RGS7: variants seen among roughly 807,000 people sequenced by gnomAD.
RGS7 encodes regulator of G protein signaling 7.
A neutral mutation model predicts 81.1 loss-of-function variants in RGS7; 27 were observed. The observed-to-expected ratio is 0.33, with a 90% CI of 0.25 to 0.46. The LOEUF is 0.46. Among genes scored for constraint, RGS7 ranks in the 20% least tolerant of loss-of-function variants. The probability of loss-of-function intolerance (pLI) is 1.00; values close to 1 mark genes in which losing one functional copy is unlikely to be tolerated. For synonymous variants in RGS7, 208 were observed against 207.7 expected, an observed-to-expected ratio of 1.00 and a Z score of -0.01; for missense variants, 396 against 607.4, an observed-to-expected ratio of 0.65 and a Z score of 3.66.
At chr1:241,326,128 G>GAA (rs2081478298) in intron 2 of RGS7, among the ~76,000 whole-genome samples, 1 of 152,144 alleles carries the variant, frequency 6.6e-6, no homozygotes, top group Admixed American at 6.5e-5. Flanking sequence ...CGCCTAGGAT[G>GAA]TGTACTCAAA....
intron 3 of RGS7, among the ~76,000 whole-genome samples, chr1:241,003,059 T>A (rs2058492920): frequency 1.3e-5 from 2 of 152,206 alleles, no homozygotes; most frequent in Non-Finnish European, 2.9e-5. Context: ...TGCACTATTT[T>A]AAAAATTTAC....
intron 2 of RGS7, among the ~76,000 whole-genome samples, chr1:241,152,302 A>G (rs2068813047): frequency 6.6e-6 from 1 of 152,234 alleles, no homozygotes; most frequent in African/African-American, 2.4e-5. Context: ...GTAAAACACC[A>G]TATTATAATA....
chr1:240,838,770 ATT>A (rs200280485), intron 9 of RGS7, among the ~76,000 whole-genome samples: 15 of 142,866 alleles, frequency 1.0e-4, no homozygotes, highest in East Asian at 2.0e-4. Context: ...ATTTTTTATT[ATT>A]TTTTTTTTTT....
intron 2 of RGS7, among the ~76,000 whole-genome samples, chr1:241,291,009 T>C (rs2079059974): frequency 6.6e-6 from 1 of 152,230 alleles, no homozygotes; most frequent in African/African-American, 2.4e-5. Flanking sequence ...ACATTTTGTT[T>C]CCACGTGCCC....
intron 10 of RGS7, among the ~76,000 whole-genome samples, chr1:240,819,262 TA>T (rs895433709): frequency 6.6e-6 from 1 of 152,162 alleles, no homozygotes; most frequent in African/African-American, 2.4e-5. Context: ...ACAGTGCTTA[TA>T]AAAAATAGCT....
At chr1:241,315,841 A>G (rs2080838351) in intron 2 of RGS7, among the ~76,000 whole-genome samples, 1 of 152,172 alleles carries the variant, frequency 6.6e-6, no homozygotes, top group Admixed American at 6.5e-5. Flanking sequence ...CCCTTTTCAT[A>G]TACAGCCTTC....
chr1:241,081,440 T>G (rs979908089), intron 3 of RGS7, among the ~76,000 whole-genome samples: 3 of 152,236 alleles, frequency 2.0e-5, no homozygotes, highest in African/African-American at 7.2e-5. Context: ...TTTATGCCAC[T>G]CCTTAACCTG....
At chr1:240,875,837 T>C (rs1404417788) in intron 6 of RGS7, among the ~76,000 whole-genome samples, 2 of 152,350 alleles carry the variant, frequency 1.3e-5, no homozygotes, top group East Asian at 3.9e-4. Flanking sequence ...AGGTCTTCTT[T>C]TGAAAAATGT....
At chr1:241,223,560 C>T (rs1220207335) in intron 2 of RGS7, among the ~76,000 whole-genome samples, 1 of 151,714 alleles carries the variant, frequency 6.6e-6, no homozygotes. Flanking sequence ...GGGTTAGATC[C>T]CAGAAAGGCA....
At chr1:241,240,417 AAG>A (rs2148133641) in intron 2 of RGS7, among the ~76,000 whole-genome samples, 1 of 152,340 alleles carries the variant, frequency 6.6e-6, no homozygotes, top group East Asian at 1.9e-4. Context: ...TGGAGCTGGA[AAG>A]TTTATCCTTT....
rs117795398 is a variant in RGS7 at position 240,937,613 on chromosome 1, G to A, written c.227-907C>T. 4.5e-4 allele frequency among the ~76,000 whole-genome samples: 69 copies of A among 152,302 alleles called. No homozygotes were observed. The East Asian group carries it at 0.012, about 26-fold the overall frequency. ...GATGTGTGTTGGCCCATGTGATAAT[G>A]TTCTCTCACAGGCAGTTGCATTTGG... On this transcript the variant is annotated intron_variant, in intron 4 of 18. Transcript: ENST00000440928.
At chr1:240,794,896 G>A (rs1686733191) in intron 18 of RGS7, among the ~76,000 whole-genome samples, 1 of 152,084 alleles carries the variant, frequency 6.6e-6, no homozygotes, top group Non-Finnish European at 1.5e-5. Context: ...ATAAAATCCA[G>A]GTAAGGCTGG....
At chr1:240,889,232 C>T (rs1278497516) in intron 6 of RGS7, among the ~76,000 whole-genome samples, 1 of 152,192 alleles carries the variant, frequency 6.6e-6, no homozygotes. Flanking sequence ...GCTGGGATTA[C>T]AGACGTGAGC....
intron 9 of RGS7, among the ~76,000 whole-genome samples, chr1:240,841,965 C>A (rs12562289): frequency 6.6e-6 from 1 of 152,020 alleles, no homozygotes; most frequent in Non-Finnish European, 1.5e-5. Flanking sequence ...CTTCTTTAAG[C>A]CTTGGTGTCT....
Position 240,936,298 on chromosome 1 carries a change from T to G in RGS7, c.333+302A>C, listed in dbSNP as rs375659849. ...AGGCAAGGGTCAGACAGAGGAAGAC[T>G]CTCCGGTCCTTCCGAATGCCATTAA... On this transcript the variant is annotated intron_variant, in intron 5 of 18. Transcript: ENST00000440928. 2.3e-4 allele frequency among the ~76,000 whole-genome samples: 35 copies of G among 152,314 alleles called. 1 individual carries two copies. The highest frequency in any genetic ancestry group is 1.9e-3 in the East Asian group (10 of 5,180).
intron 2 of RGS7, among the ~76,000 whole-genome samples, chr1:241,210,740 T>C (rs1213425936): frequency 6.6e-6 from 1 of 152,208 alleles, no homozygotes; most frequent in Non-Finnish European, 1.5e-5. Flanking sequence ...CAAAGCTTTC[T>C]AGTGGGATTG....
At chr1:241,184,776 G>A (rs949196944) in intron 2 of RGS7, among the ~76,000 whole-genome samples, 1 of 151,850 alleles carries the variant, frequency 6.6e-6, no homozygotes, top group East Asian at 1.9e-4. Flanking sequence ...AAAAAACCCC[G>A]AATTCAAAAC....
chr1:241,041,561 C>A (rs766552197), intron 3 of RGS7, among the ~76,000 whole-genome samples: 7 of 152,104 alleles, frequency 4.6e-5, no homozygotes, highest in Non-Finnish European at 1.0e-4. Flanking sequence ...AGTAAAAATT[C>A]TCCCTGTCTA....
chr1:240,925,566 T>C lies in RGS7; in HGVS notation c.385+5151A>G, dbSNP rs142779241. Among the ~76,000 whole-genome samples the C allele has an allele frequency of 3.9e-3, 598 of 152,346 alleles. 4 individuals are homozygous for C. Among genetic ancestry groups the C allele is most frequent in the Middle Eastern group, 6.8e-3 (2 of 294 alleles). On this transcript the variant is annotated intron_variant, in intron 6 of 18. Coordinates refer to ENST00000440928, the MANE Select transcript of RGS7 (RefSeq NM_001364886.1). ...TGTTGATTTCATGTCTTCGCTGTTG[T>C]GAATATCGCTGTGATGAACACATAA...
Sources: allele counts gnomAD v4.1 joint callset (sites outside exome capture counted in the v4.1 genomes callset), GRCh38; gene constraint gnomAD v4.1.1; transcripts MANE v1.5; gene names NCBI Gene and HGNC (gene_info 2026-07-23, HGNC 2026-07-21).